The following PID1 variants were observed in gnomAD, a reference collection of about 807,000 sequenced individuals.
The protein encoded by PID1 is PTB-containing, cubilin and LRP1-interacting protein.
PID1 carries 10 observed loss-of-function variants against 19.1 expected under a neutral mutation model. The ratio of observed to expected loss-of-function variants is 0.52; its 90% confidence interval spans 0.32 to 0.89. The LOEUF is 0.89. Among genes scored for constraint, PID1 ranks in the 40% least tolerant of loss-of-function variants. The pLI, the probability that PID1 is intolerant of heterozygous loss-of-function variation, is 0.03. For synonymous variants in PID1, 130 were observed against 116.0 expected (o/e 1.12, Z -0.78); for missense variants, 248 against 285.3 (o/e 0.87, Z 0.94).
intron 2 of PID1, among the ~76,000 whole-genome samples, chr2:229,139,040 A>C (rs867567470): frequency 6.3e-5 from 3 of 47,480 alleles, no homozygotes; most frequent in Non-Finnish European, 9.8e-5. Flanking sequence ...AGAAAGAAAG[A>C]GAAAGAAAGA....
At chr2:229,044,426 C>T (rs1463872927) in intron 2 of PID1, among the ~76,000 whole-genome samples, 1 of 152,088 alleles carries the variant, frequency 6.6e-6, no homozygotes, top group East Asian at 1.9e-4. Context: ...CTCTCCCCTG[C>T]TTCCCCGACA....
At chr2:229,221,849 G>T (rs910531000) in intron 1 of PID1, among the ~76,000 whole-genome samples, 1 of 152,164 alleles carries the variant, frequency 6.6e-6, no homozygotes, top group Non-Finnish European at 1.5e-5. Context: ...CCAAAAGAGT[G>T]GCAGTCCTGC....
chr2:229,270,998 C>T lies in PID1; in HGVS notation c.30+16G>A, dbSNP rs1377301188. On this transcript the variant is annotated intron_variant, in intron 1 of 2. Coordinates refer to ENST00000392055, the MANE Select transcript of PID1 (RefSeq NM_001100818.2). Reference sequence around the variant, plus strand: ...TCCTCCTCCAGGCTGGCCCCCGGCTCCCGGGTGCCCCTTACCTGCAGGCGC... The same window carrying T: ...TCCTCCTCCAGGCTGGCCCCCGGCTTCCGGGTGCCCCTTACCTGCAGGCGC... 2 of 1,532,028 alleles carry T rather than the reference C, an allele frequency of 1.3e-6. No homozygotes were observed. Among genetic ancestry groups the T allele is most frequent in the African/African-American group, 1.4e-5 (1 of 71,460 alleles). The allele number at this position is 1,532,028 out of a possible 1,614,324, so 94.9% of individuals were successfully genotyped here. A position where few individuals can be genotyped will look rare whatever the true frequency, so the allele number is the denominator to read the frequency against.
At chr2:229,238,544 G>A (rs182906222) in intron 1 of PID1, among the ~76,000 whole-genome samples, 6 of 152,266 alleles carry the variant, frequency 3.9e-5, no homozygotes, top group African/African-American at 1.4e-4. Flanking sequence ...TTTGCCTTAC[G>A]AATAAAGTAC....
intron 1 of PID1, among the ~76,000 whole-genome samples, chr2:229,269,296 G>A (rs538258837): frequency 5.3e-5 from 8 of 152,202 alleles, no homozygotes; most frequent in Non-Finnish European, 8.8e-5. Context: ...AAATGCACAC[G>A]TGCACATTTC....
At chr2:229,249,492 G>A (rs1473336962) in intron 1 of PID1, among the ~76,000 whole-genome samples, 1 of 152,154 alleles carries the variant, frequency 6.6e-6, no homozygotes, top group Non-Finnish European at 1.5e-5. Flanking sequence ...AGCTTGTATG[G>A]TGTTGCCGGC....
At chr2:229,162,477 C>T (rs1312811322) in intron 1 of PID1, among the ~76,000 whole-genome samples, 2 of 152,190 alleles carry the variant, frequency 1.3e-5, no homozygotes, top group East Asian at 1.9e-4. Context: ...TTTTAATCTT[C>T]GGTTGATCCT....
intron 1 of PID1, among the ~76,000 whole-genome samples, chr2:229,229,039 G>C (rs1039050096): frequency 6.6e-6 from 1 of 152,184 alleles, no homozygotes; most frequent in African/African-American, 2.4e-5. Context: ...TGGAGACACG[G>C]TCTGCTGACT....
chr2:229,256,097 G>C (rs1690287469), intron 1 of PID1, among the ~76,000 whole-genome samples: 1 of 152,152 alleles, frequency 6.6e-6, no homozygotes, highest in South Asian at 2.1e-4. Flanking sequence ...AAATGAAGGA[G>C]CTGAACTACA....
At chr2:229,168,185 A>G (rs1348864267) in intron 1 of PID1, among the ~76,000 whole-genome samples, 2 of 152,152 alleles carry the variant, frequency 1.3e-5, no homozygotes, top group African/African-American at 4.8e-5. Flanking sequence ...TCTTGAATCC[A>G]TAGATCTGTG....
At chr2:229,027,573 G>A (rs766874974) in intron 2 of PID1, among the ~76,000 whole-genome samples, 6 of 152,210 alleles carry the variant, frequency 3.9e-5, no homozygotes, top group Non-Finnish European at 8.8e-5. Context: ...AGTACTGTGA[G>A]TGTTCAGTGG....
chr2:229,134,604 A>C (rs540813828), intron 2 of PID1, among the ~76,000 whole-genome samples: 1 of 152,310 alleles, frequency 6.6e-6, no homozygotes, highest in East Asian at 1.9e-4. Context: ...TGAAGCTAAA[A>C]AAAGTACAAA....
chr2:229,097,615 T>C (rs144174152), intron 2 of PID1, among the ~76,000 whole-genome samples: 1 of 152,170 alleles, frequency 6.6e-6, no homozygotes, highest in Non-Finnish European at 1.5e-5. Flanking sequence ...AAACAGTATA[T>C]TAAAGACTGA....
At chr2:229,081,280 G>C (rs1470158198) in intron 2 of PID1, among the ~76,000 whole-genome samples, 4 of 152,114 alleles carry the variant, frequency 2.6e-5, no homozygotes, top group African/African-American at 9.7e-5. Flanking sequence ...AAGCTACCAA[G>C]GTAGTTAAAA....
chr2:229,204,792 C>A (rs1486798156), intron 1 of PID1, among the ~76,000 whole-genome samples: 1 of 151,976 alleles, frequency 6.6e-6, no homozygotes, highest in African/African-American at 2.4e-5. Flanking sequence ...ATGGGTGGTA[C>A]GGGTGGTCTT....
intron 2 of PID1, among the ~76,000 whole-genome samples, chr2:229,086,279 C>T (rs950334057): frequency 1.1e-4 from 16 of 152,050 alleles, no homozygotes; most frequent in Non-Finnish European, 1.3e-4. Context: ...TACTGGACAG[C>T]GTAACTTAGC....
Position 229,174,492 on chromosome 2 carries a change from G to A in PID1, c.31-18528C>T, listed in dbSNP as rs528814216. Among the ~76,000 whole-genome samples the A allele has an allele frequency of 5.9e-5, 9 of 152,252 alleles. No individual in the cohort carries two copies. In the South Asian group the frequency reaches 1.9e-3, roughly 32 times the overall value. On this transcript the variant is annotated intron_variant, in intron 1 of 2. Coordinates refer to ENST00000392055, the MANE Select transcript of PID1 (RefSeq NM_001100818.2). ...GGGATTGGGCTGGGATAGGCATTAT[G>A]GAAGAGAGGACTACAGATCTGGGCT... is the stretch of plus-strand genomic sequence containing the variant.
chr2:229,096,154 C>G (rs1223932831), intron 2 of PID1, among the ~76,000 whole-genome samples: 2 of 152,120 alleles, frequency 1.3e-5, no homozygotes, highest in African/African-American at 4.8e-5. Flanking sequence ...ATTAGAATTA[C>G]ACTTACAAAT....
At chr2:229,270,926 C>T (rs1690719653) in intron 1 of PID1, 88 bp downstream of exon 1, 2 of 1,265,396 alleles carry the variant, frequency 1.6e-6, no homozygotes, top group Admixed American at 5.1e-5. Context: ...TGGGCAAATC[C>T]CCTAAAGTAG....
Sources: gnomAD v4.1 joint callset for allele counts (sites outside exome capture counted in the v4.1 genomes callset) on GRCh38, gnomAD v4.1.1 for gene constraint, MANE v1.5 for transcripts, NCBI Gene and HGNC (gene_info 2026-07-23, HGNC 2026-07-21) for gene names.